Variants in KLHL29 observed in about 807,000 individuals in gnomAD.
KLHL29 encodes kelch-like protein 29.
In KLHL29, 21 loss-of-function variants were observed where a neutral mutation model predicts 80.4. That is an observed-to-expected ratio of 0.26 (90% CI 0.19 to 0.38). The LOEUF (loss-of-function observed/expected upper bound fraction) is 0.38, where lower values mean the gene tolerates loss of function less well. KLHL29 is among the 10% of genes least tolerant of loss of function. The pLI is 1.00. For synonymous variants in KLHL29, 511 were observed against 526.8 expected (o/e 0.97, Z 0.41); for missense variants, 867 against 1,223.9 (o/e 0.71, Z 4.35).
At chr2:23,499,363 A>C (rs1175541751) in intron 2 of KLHL29, among the ~76,000 whole-genome samples, 1 of 152,126 alleles carries the variant, frequency 6.6e-6, no homozygotes, top group African/African-American at 2.4e-5. Context: ...CAGGAAATGG[A>C]CAGATTAGGG....
At chr2:23,702,680 G>T (rs1672474157) in intron 11 of KLHL29, among the ~76,000 whole-genome samples, 1 of 152,096 alleles carries the variant, frequency 6.6e-6, no homozygotes, top group South Asian at 2.1e-4. Flanking sequence ...GTGCACCTTG[G>T]GTTTCTCACC....
At chr2:23,614,647 G>T (rs186305411) in intron 3 of KLHL29, among the ~76,000 whole-genome samples, 119 of 152,266 alleles carry the variant, frequency 7.8e-4, no homozygotes, top group African/African-American at 2.8e-3. Context: ...AAGTGCAATG[G>T]AGAAAAATGA....
intron 5 of KLHL29, among the ~76,000 whole-genome samples, chr2:23,665,056 G>C (rs989231459): frequency 2.6e-5 from 4 of 152,226 alleles, no homozygotes; most frequent in Non-Finnish European, 5.9e-5. Context: ...GTGGTGACTC[G>C]GGTGGCTGGT....
chr2:23,386,793 G>T (rs1327523309), intron 1 of KLHL29, among the ~76,000 whole-genome samples: 2 of 152,084 alleles, frequency 1.3e-5, no homozygotes, highest in Non-Finnish European at 2.9e-5. Context: ...GCTGGGAGCC[G>T]GGGTAGGTCG....
chr2:23,539,908 G>A (rs1000264742), intron 2 of KLHL29, among the ~76,000 whole-genome samples: 1 of 152,064 alleles, frequency 6.6e-6, no homozygotes, highest in African/African-American at 2.4e-5. Flanking sequence ...GTTTCTCTAG[G>A]CTCCAACTTC....
At chr2:23,505,892 G>A (rs552187893) in intron 2 of KLHL29, among the ~76,000 whole-genome samples, 1 of 152,290 alleles carries the variant, frequency 6.6e-6, no homozygotes, top group East Asian at 1.9e-4. Flanking sequence ...CCCAGTTCAG[G>A]AGCAACCAAA....
At chr2:23,634,616 T>C (rs1036375297) in intron 3 of KLHL29, among the ~76,000 whole-genome samples, 4 of 152,176 alleles carry the variant, frequency 2.6e-5, no homozygotes, top group Admixed American at 6.5e-5. Context: ...CACTCCTCAG[T>C]GTCCATGCCT....
chr2:23,663,586 G>A (rs572958791), intron 5 of KLHL29, among the ~76,000 whole-genome samples: 6 of 152,332 alleles, frequency 3.9e-5, no homozygotes, highest in African/African-American at 1.4e-4. Flanking sequence ...ACTTTAATCT[G>A]AGCCTTCTTT....
At chr2:23,584,972 G>T (rs540127951) in intron 3 of KLHL29, among the ~76,000 whole-genome samples, 1 of 152,166 alleles carries the variant, frequency 6.6e-6, no homozygotes, top group Non-Finnish European at 1.5e-5. Flanking sequence ...CCTGACTCAG[G>T]TGATCCACCC....
chr2:23,630,102 G>A (rs1669431356), intron 3 of KLHL29, among the ~76,000 whole-genome samples: 1 of 152,220 alleles, frequency 6.6e-6, no homozygotes, highest in African/African-American at 2.4e-5. Context: ...GGAGGCGATT[G>A]TTCATTTAAA....
At chr2:23,691,955 G>C in intron 7 of KLHL29, 79 bp downstream of exon 7, 3 of 1,416,208 alleles carry the variant, frequency 2.1e-6, no homozygotes, top group African/African-American at 2.8e-5. Context: ...CAAGGACTGA[G>C]CGGGGAGGTC....
intron 1 of KLHL29, among the ~76,000 whole-genome samples, chr2:23,442,353 A>C (rs1239046306): frequency 6.6e-6 from 1 of 152,158 alleles, no homozygotes. Context: ...TCTGCCTCCC[A>C]AAGTGCTGGA....
rs1671076111 is a variant in KLHL29, at chr2:23,681,237, A to G, written c.941-3162A>G. 6.6e-6 allele frequency among the ~76,000 whole-genome samples: 1 copy of G among 152,264 alleles called. No homozygotes were observed. The highest frequency in any genetic ancestry group is 2.4e-5 in the African/African-American group (1 of 41,474). On this transcript the variant is annotated intron_variant, in intron 5 of 13. Coordinates refer to ENST00000486442, the MANE Select transcript of KLHL29 (RefSeq NM_052920.2). The surrounding 1 kb of genome is among the most constrained non-coding windows in gnomAD (Gnocchi z 4.2). ...GCCTGCTGGGAATCCCCTGGTGAGC[A>G]CTTTCATAAATTGAAAAATTCTTCT...
intron 2 of KLHL29, among the ~76,000 whole-genome samples, chr2:23,533,761 C>T (rs963985828): frequency 6.6e-6 from 1 of 152,326 alleles, no homozygotes; most frequent in South Asian, 2.1e-4. Flanking sequence ...TGCTGACAAT[C>T]TAGAAGATCC....
chr2:23,683,490 C>T (rs1324868716), intron 5 of KLHL29, among the ~76,000 whole-genome samples: 1 of 152,234 alleles, frequency 6.6e-6, no homozygotes, highest in African/African-American at 2.4e-5. Flanking sequence ...AACAGGGTGA[C>T]TGGCAGGCTC....
In KLHL29 at chr2:23,623,827, G is replaced by A. The variant is rs1572446680; in HGVS notation, c.286-15312G>A. 2.0e-5 allele frequency among the ~76,000 whole-genome samples: 3 copies of A among 152,206 alleles called. No individual in the cohort carries two copies. The South Asian group carries it at 6.2e-4, about 31-fold the overall frequency. The stretch of plus-strand genomic sequence containing the variant: ...GTTGTACAGCGTGGACTGTGTGAGT[G>A]GTTGGCATCTTGTATTCAGAAGGAG... On this transcript the variant is annotated intron_variant, in intron 3 of 13. Transcript: ENST00000486442.
chr2:23,445,858 T>G (rs1663658362), intron 1 of KLHL29, among the ~76,000 whole-genome samples: 1 of 152,238 alleles, frequency 6.6e-6, no homozygotes. Context: ...TTACACATTT[T>G]TTTCATAGGT....
Position 23,581,808 on chromosome 2 carries a change from A to C in KLHL29, c.285+19327A>C, listed in dbSNP as rs893338274. 3.4e-5 allele frequency among the ~76,000 whole-genome samples: 5 copies of C among 145,846 alleles called. No individual in the cohort carries two copies. The Admixed American group carries it at 3.5e-4, about 10-fold the overall frequency. On this transcript the variant is annotated intron_variant, in intron 3 of 13. Coordinates refer to ENST00000486442, the MANE Select transcript of KLHL29 (RefSeq NM_052920.2). ...ACACCATTGCACTCCAGCCTGGGCA[A>C]CAAGAATGAAACTCTGCCTCAAAAA...
chr2:23,426,277 T>A (rs935160146), intron 1 of KLHL29, among the ~76,000 whole-genome samples: 1 of 152,222 alleles, frequency 6.6e-6, no homozygotes, highest in African/African-American at 2.4e-5. Context: ...CTGTTCCAGC[T>A]GGTTGACCTG....
Sources: allele counts gnomAD v4.1 joint callset (sites outside exome capture counted in the v4.1 genomes callset), GRCh38; gene constraint gnomAD v4.1.1; non-coding constraint Gnocchi (gnomAD v3.1); transcripts MANE v1.5; gene names NCBI Gene and HGNC (gene_info 2026-07-23, HGNC 2026-07-21).